The following RCHY1 variants were observed in gnomAD, a reference collection of about 807,000 sequenced individuals.
RCHY1 encodes the protein ring finger and CHY zinc finger domain containing 1, also known as RING finger and CHY zinc finger domain-containing protein 1.
A neutral mutation model predicts 41.6 loss-of-function variants in RCHY1; 21 were observed. The ratio of observed to expected loss-of-function variants is 0.51; its 90% CI spans 0.36 to 0.73. RCHY1 has a LOEUF of 0.73. Among genes scored for constraint, RCHY1 ranks in the 30% least tolerant of loss-of-function variants. The probability of loss-of-function intolerance (pLI) is 0.00; values close to 1 mark genes in which losing one functional copy is unlikely to be tolerated. For synonymous variants in RCHY1, 79 were observed against 102.9 expected, an observed-to-expected ratio of 0.77 and a Z score of 1.41; for missense variants, 265 against 325.3, an observed-to-expected ratio of 0.81 and a Z score of 1.43.
At chr4:75,485,255 C>G (rs1194587564) in intron 8 of RCHY1, among the ~76,000 whole-genome samples, 1 of 152,232 alleles carries the variant, frequency 6.6e-6, no homozygotes. Flanking sequence ...TGTCTTTCCC[C>G]TACTGTCTTA....
Position 75,509,226 on chromosome 4 carries a change from C to A in RCHY1, c.161G>T (p.Arg54Leu), listed in dbSNP as rs377417374. 1 of 1,612,816 alleles carries A rather than the reference C, an allele frequency of 6.2e-7. No homozygotes were observed. Among genetic ancestry groups the A allele is most frequent in the Non-Finnish European group, 8.5e-7 (1 of 1,179,258 alleles). ...GCACTGCACTTCCTTCACTTTAAAGCGATCTAGTTGATGATCTTCATTGTT... is the reference window on the plus strand; with the variant it reads ...GCACTGCACTTCCTTCACTTTAAAGAGATCTAGTTGATGATCTTCATTGTT... The part of the protein sequence containing the change: ...HDNNEDHQLD[R>L]FKVKEVQCIN... Residue 54 changes from arginine to leucine, a missense_variant, in exon 2 of 9, where the codon CGC becomes CTC. By Grantham distance (102) the Arg-to-Leu change is moderately radical. Transcript: ENST00000324439.
intron 5 of RCHY1, 37 bp downstream of exon 5, chr4:75,491,852 G>C (rs139278088): frequency 4.8e-5 from 77 of 1,603,098 alleles, no homozygotes; most frequent in Middle Eastern, 3.3e-4. Flanking sequence ...AAATTCAAGA[G>C]CTGAGACTTC....
intron 8 of RCHY1, among the ~76,000 whole-genome samples, chr4:75,484,036 G>T (rs1364594886): frequency 6.6e-6 from 1 of 152,180 alleles, no homozygotes; most frequent in East Asian, 1.9e-4. Flanking sequence ...AATAAAGAAA[G>T]TCAAGACCCT....
chr4:75,483,276 T>A (rs1227029422), intron 8 of RCHY1, among the ~76,000 whole-genome samples: 12 of 152,232 alleles, frequency 7.9e-5, no homozygotes, highest in Admixed American at 7.9e-4. Context: ...GGTGTTAACC[T>A]GAAAATCAAT....
chr4:75,503,552 G>A (rs542238637), intron 3 of RCHY1, among the ~76,000 whole-genome samples: 3 of 152,006 alleles, frequency 2.0e-5, no homozygotes, highest in Admixed American at 1.3e-4. Context: ...AAAATTAGCT[G>A]GCTGTGGTGG....
intron 3 of RCHY1, among the ~76,000 whole-genome samples, chr4:75,497,674 TGGAGATC>T (rs1234581425): frequency 6.6e-6 from 1 of 152,020 alleles, no homozygotes; most frequent in Non-Finnish European, 1.5e-5. Context: ...CACATGCAAT[TGGAGATC>T]CCTAAGGTAG....
intron 3 of RCHY1, among the ~76,000 whole-genome samples, chr4:75,501,385 G>C (rs1004187931): frequency 1.3e-5 from 2 of 152,170 alleles, no homozygotes; most frequent in Non-Finnish European, 2.9e-5. Flanking sequence ...GACAGTATTT[G>C]TCAAACTTAA....
At chr4:75,491,085 A>C (rs1456169772) in intron 7 of RCHY1, 1 of 160,044 alleles carries the variant, frequency 6.2e-6, no homozygotes, top group Non-Finnish European at 1.4e-5. Flanking sequence ...CTTTCTAAAA[A>C]TTTGAAAAAA....
intron 1 of RCHY1, among the ~76,000 whole-genome samples, chr4:75,510,735 C>G (rs1040484326): frequency 1.5e-4 from 23 of 152,130 alleles, no homozygotes; most frequent in Admixed American, 1.2e-3. Context: ...TATACCACAT[C>G]ATAAATTAAA....
Position 75,514,392 on chromosome 4 carries a change from T to C in RCHY1, c.-106A>G, listed in dbSNP as rs1297225147. On this transcript the variant is annotated 5_prime_UTR_variant, in exon 1 of 9. Transcript: ENST00000324439. ...CACCCCTCCCAGCCCCAGCGGCCAC[T>C]AGCGACAATATGGCTCCTAAGCACG... 2 of 1,292,416 alleles carry C rather than the reference T, an allele frequency of 1.5e-6. No homozygotes were observed. The highest frequency in any genetic ancestry group is 2.9e-5 in the African/African-American group (2 of 68,064). The allele number at this position is 1,292,416 out of a possible 1,614,324, so 80.1% of individuals were successfully genotyped here.
intron 1 of RCHY1, among the ~76,000 whole-genome samples, chr4:75,512,791 T>A (rs1725046728): frequency 6.6e-6 from 1 of 151,560 alleles, no homozygotes; most frequent in African/African-American, 2.4e-5. Context: ...ACCAGTGACC[T>A]CTTCCTTGCC....
rs1034475065 is a variant in RCHY1, at chr4:75,479,959, G to A, written c.*2579C>T. 6.6e-6 allele frequency: 1 copy of A among 152,076 alleles called. No homozygotes were observed. The highest frequency in any genetic ancestry group is 2.4e-5 in the African/African-American group (1 of 41,400). The allele number at this position is 152,076 out of a possible 1,614,324, so 9.4% of individuals were successfully genotyped here. ...GTTTTTTACCTTCTTTCTTATAGAG[G>A]TATAACCTATACTTATGAAGTCAGA... On this transcript the variant is annotated 3_prime_UTR_variant, in exon 9 of 9. Coordinates refer to ENST00000324439, the MANE Select transcript of RCHY1 (RefSeq NM_015436.4).
chr4:75,487,826 T>C (rs1232162287), intron 8 of RCHY1, among the ~76,000 whole-genome samples: 9 of 97,168 alleles, frequency 9.3e-5, no homozygotes, highest in Non-Finnish European at 1.7e-4. Flanking sequence ...ATATTCATAA[T>C]ATATATATTC....
intron 8 of RCHY1, among the ~76,000 whole-genome samples, chr4:75,483,302 A>G (rs1721682031): frequency 6.6e-6 from 1 of 152,234 alleles, no homozygotes; most frequent in Non-Finnish European, 1.5e-5. Context: ...ACTATGCAAG[A>G]AAAGCACTAG....
chr4:75,489,610 C>G (rs1247676141), intron 8 of RCHY1, among the ~76,000 whole-genome samples: 2 of 152,180 alleles, frequency 1.3e-5, no homozygotes, highest in Admixed American at 1.3e-4. Context: ...TGACCCCTTA[C>G]GAAATAATCA....
intron 4 of RCHY1, among the ~76,000 whole-genome samples, chr4:75,492,148 A>T (rs1722809514): frequency 6.6e-6 from 1 of 152,008 alleles, no homozygotes; most frequent in African/African-American, 2.4e-5. Context: ...GAAAATGTCA[A>T]TAAACATTAT....
chr4:75,494,162 T>C lies in RCHY1; in HGVS notation c.344A>G (p.Asp115Gly), dbSNP rs1217247346. Residue 115 changes from aspartate (D) to glycine (G), a missense_variant, in exon 4 of 9, where the codon GAT (aspartate) becomes GGT (glycine). Coordinates refer to ENST00000324439, the MANE Select transcript of RCHY1 (RefSeq NM_015436.4). ...GTTACATTTCAAACAATGGAAAAAA[T>C]CTTCCTTTGGACCAATCCTAGCAAA... ...CGICRIGPKE[D>G]FFHCLKCNLC... is the part of the protein sequence containing the mutation. The C allele has an allele frequency of 6.4e-7, 1 of 1,570,662 alleles. No homozygotes were observed. Among genetic ancestry groups the C allele is most frequent in the South Asian group, 1.2e-5 (1 of 84,276 alleles).
chr4:75,501,166 C>T (rs1439165878), intron 3 of RCHY1, among the ~76,000 whole-genome samples: 3 of 152,282 alleles, frequency 2.0e-5, no homozygotes, highest in South Asian at 2.1e-4. Context: ...TATACCACCA[C>T]GCCTGGCTAA....
At chr4:75,483,771 C>T (rs1028539848) in intron 8 of RCHY1, among the ~76,000 whole-genome samples, 1 of 152,104 alleles carries the variant, frequency 6.6e-6, no homozygotes, top group Non-Finnish European at 1.5e-5. Flanking sequence ...AAATAATTTT[C>T]ATTTGGCTTT....
Sources: gnomAD v4.1 joint callset for allele counts (sites outside exome capture counted in the v4.1 genomes callset) on GRCh38, gnomAD v4.1.1 for gene constraint, MANE v1.5 for transcripts, NCBI Gene and HGNC (gene_info 2026-07-23, HGNC 2026-07-21) for gene names.